RPS6KA2: variants seen among roughly 807,000 people sequenced by gnomAD.
The protein encoded by RPS6KA2 is ribosomal protein S6 kinase A2.
RPS6KA2 carries 42 observed loss-of-function variants against 91.8 expected under a neutral mutation model. The observed-to-expected ratio is 0.46, with a 90% CI of 0.36 to 0.59. RPS6KA2 has a LOEUF of 0.59. RPS6KA2 is among the 20% of genes least tolerant of loss of function. The probability of loss-of-function intolerance (pLI) is 0.00; values close to 1 mark genes in which losing one functional copy is unlikely to be tolerated. For missense variants in RPS6KA2, 798 were observed against 978.5 expected, an observed-to-expected ratio of 0.82 and a Z score of 2.46; for synonymous variants, 414 against 393.6, an observed-to-expected ratio of 1.05 and a Z score of -0.61.
chr6:166,698,585 T>C (rs1011492830), intron 2 of RPS6KA2, among the ~76,000 whole-genome samples: 2 of 152,146 alleles, frequency 1.3e-5, no homozygotes, highest in African/African-American at 2.4e-5. Flanking sequence ...TAGACAGACA[T>C]GGAGAACAGG....
rs545459793 is a variant in RPS6KA2 at position 166,517,220 on chromosome 6, C to T, written c.299-6863G>A. Among the ~76,000 whole-genome samples, 232 of 152,122 alleles carry T rather than the reference C, an allele frequency of 1.5e-3. 1 individual carries two copies. Among genetic ancestry groups the T allele is most frequent in the African/African-American group, 5.3e-3 (221 of 41,502 alleles). Reference sequence around the variant, plus strand: ...ACAAAAAAACACAAAGCTGGCCAGGCACAGTGGCTCATACCTGTAATCCCA... The same window carrying T: ...ACAAAAAAACACAAAGCTGGCCAGGTACAGTGGCTCATACCTGTAATCCCA... On this transcript the variant is annotated intron_variant, in intron 3 of 20. Coordinates refer to ENST00000265678, the MANE Select transcript of RPS6KA2 (RefSeq NM_021135.6).
chr6:166,652,722 G>C (rs553117086), intron 2 of RPS6KA2, among the ~76,000 whole-genome samples: 1 of 152,270 alleles, frequency 6.6e-6, no homozygotes, highest in African/African-American at 2.4e-5. Flanking sequence ...GTAATTTCAG[G>C]CGGGGCCCAG....
chr6:166,842,688 C>A (rs376433644), intron 2 of RPS6KA2, among the ~76,000 whole-genome samples: 1 of 152,166 alleles, frequency 6.6e-6, no homozygotes, highest in Non-Finnish European at 1.5e-5. Flanking sequence ...CTTGTGTCTC[C>A]GGCCAGCTCC....
intron 2 of RPS6KA2, among the ~76,000 whole-genome samples, chr6:166,759,408 G>A (rs889246613): frequency 1.3e-5 from 2 of 152,142 alleles, no homozygotes; most frequent in Admixed American, 6.5e-5. Context: ...GCCAAGTTAT[G>A]GCAACAGAAG....
At chr6:166,436,526 G>A (rs1779313111) in intron 14 of RPS6KA2, among the ~76,000 whole-genome samples, 1 of 152,186 alleles carries the variant, frequency 6.6e-6, no homozygotes, top group Non-Finnish European at 1.5e-5. Context: ...GCATGGGGTG[G>A]GGAGGTGCGC....
chr6:166,518,251 CAAAAA>C (rs11373431), intron 3 of RPS6KA2, among the ~76,000 whole-genome samples: 1 of 87,314 alleles, frequency 1.1e-5, no homozygotes. Flanking sequence ...AACACTGCCT[CAAAAA>C]AAAAAAAAAA....
intron 2 of RPS6KA2, among the ~76,000 whole-genome samples, chr6:166,745,291 T>A (rs1032536504): frequency 6.0e-4 from 91 of 152,108 alleles, no homozygotes; most frequent in South Asian, 1.7e-3. Flanking sequence ...AGCTGGGATT[T>A]CAGGTGTGTG....
chr6:166,783,811 C>CG, intron 2 of RPS6KA2, among the ~76,000 whole-genome samples: 5 of 108,638 alleles, frequency 4.6e-5, no homozygotes, highest in Non-Finnish European at 6.7e-5. Context: ...TGCACAGTTA[C>CG]CTGTAACCAC....
At chr6:166,800,641 T>A (rs933189960) in intron 2 of RPS6KA2, among the ~76,000 whole-genome samples, 1 of 152,162 alleles carries the variant, frequency 6.6e-6, no homozygotes, top group East Asian at 1.9e-4. Context: ...AGTGCCTCGA[T>A]CTTGGACTTC....
intron 2 of RPS6KA2, among the ~76,000 whole-genome samples, chr6:166,842,607 G>T (rs1373876574): frequency 6.6e-6 from 1 of 152,206 alleles, no homozygotes; most frequent in African/African-American, 2.4e-5. Flanking sequence ...CAGCACTGAA[G>T]CCAGAGGGGC....
At chr6:166,831,849 A>G (rs1780190789) in intron 2 of RPS6KA2, among the ~76,000 whole-genome samples, 1 of 151,720 alleles carries the variant, frequency 6.6e-6, no homozygotes, top group South Asian at 2.1e-4. Flanking sequence ...GGTAATAGAT[A>G]TATAGATACA....
intron 2 of RPS6KA2, among the ~76,000 whole-genome samples, chr6:166,724,228 A>C (rs973406269): frequency 3.3e-5 from 5 of 152,152 alleles, no homozygotes; most frequent in African/African-American, 1.2e-4. Flanking sequence ...TCCTAACAGC[A>C]ATGAGTTAAA....
At position 166,841,142 on chromosome 6, in the gene RPS6KA2, C is replaced by T. The variant is rs527510598; in HGVS notation, c.123+17058G>A. ...CAAAAAATAAAAAAAAAAAAATTAG[C>T]CAGGCAGCTACTCAGGAGGCTGAGG... On this transcript the variant is annotated intron_variant, in intron 2 of 21. Transcript: ENST00000503859. Among the ~76,000 whole-genome samples, 47 of 151,312 alleles carry T rather than the reference C, an allele frequency of 3.1e-4. 1 individual carries two copies. Among genetic ancestry groups the T allele is most frequent in the African/African-American group, 1.1e-3 (47 of 41,216 alleles).
Position 166,432,517 on chromosome 6 carries a change from G to A in RPS6KA2, c.1333-27C>T, listed in dbSNP as rs375866897. On this transcript the variant is annotated intron_variant, in intron 14 of 20. Coordinates refer to ENST00000265678, the MANE Select transcript of RPS6KA2 (RefSeq NM_021135.6). ...TGGAACAAACACAGCACATGGCAGT[G>A]AGGGGTCTACTTTAGGCTTTCGGGT... 9 of 1,471,022 alleles carry A rather than the reference G, an allele frequency of 6.1e-6. No homozygotes were observed. In the African/African-American group the frequency reaches 6.9e-5, roughly 11 times the overall value. The allele number at this position is 1,471,022 out of a possible 1,614,324, so 91.1% of individuals were successfully genotyped here. A position where few individuals can be genotyped will look rare whatever the true frequency, so the allele number is the denominator to read the frequency against.
chr6:166,484,373 G>A (rs951184000), intron 10 of RPS6KA2, among the ~76,000 whole-genome samples: 3 of 152,156 alleles, frequency 2.0e-5, no homozygotes, highest in East Asian at 1.9e-4. Flanking sequence ...CAGTAAAGCC[G>A]CCACTCCAGC....
rs567529278 is a variant in RPS6KA2, at chr6:166,767,815, A to C, written c.123+90385T>G. Among the ~76,000 whole-genome samples the C allele has an allele frequency of 1.1e-4, 14 of 133,286 alleles. No individual in the cohort carries two copies. In the South Asian group the frequency reaches 2.0e-3, roughly 19 times the overall value. The allele number at this position is 133,286 out of a possible 152,430, so 87.4% of individuals were successfully genotyped here. A position where few individuals can be genotyped will look rare whatever the true frequency, so the allele number is the denominator to read the frequency against. On this transcript the variant is annotated intron_variant, in intron 2 of 21. Transcript: ENST00000503859. This position sits in a 1 kb window ranked among gnomAD's most constrained non-coding sequence, Gnocchi z 4.6. ...CACACACACACACACACACACACAC[A>C]CCCTGGTGTCAGGCAGCCGGCCACC...
At chr6:166,519,870 G>C (rs962433201) in intron 3 of RPS6KA2, among the ~76,000 whole-genome samples, 1 of 152,178 alleles carries the variant, frequency 6.6e-6, no homozygotes, top group Admixed American at 6.5e-5. Context: ...TATTGTGGTG[G>C]TTAGTTTTAC....
chr6:166,498,450 CAG>C, intron 8 of RPS6KA2, 56 bp downstream of exon 8: 1 of 1,540,906 alleles, frequency 6.5e-7, no homozygotes, highest in African/African-American at 1.4e-5. Context: ...AACCTGGGGA[CAG>C]GGGTCCACGT....
Position 166,737,299 on chromosome 6 carries a change from C to T in RPS6KA2, c.123+120901G>A, listed in dbSNP as rs182065430. On this transcript the variant is annotated intron_variant, in intron 2 of 21. Transcript: ENST00000503859. The surrounding 1 kb of genome is among the most constrained non-coding windows in gnomAD (Gnocchi z 4.3). ...CTATTGGCGTCTCTCCCTAATAAAT[C>T]GTGTGGCTGCCATGACCCTTCACCC... Among the ~76,000 whole-genome samples, 10,454 of 152,172 alleles carry T rather than the reference C, an allele frequency of 0.069. 560 individuals carry two copies. Among genetic ancestry groups the T allele is most frequent in the African/African-American group, 0.15 (6,147 of 41,504 alleles).
Sources: allele counts gnomAD v4.1 joint callset (sites outside exome capture counted in the v4.1 genomes callset), GRCh38; gene constraint gnomAD v4.1.1; non-coding constraint Gnocchi (gnomAD v3.1); transcripts MANE v1.5; gene names NCBI Gene and HGNC (gene_info 2026-07-23, HGNC 2026-07-21).